The following PRKCB variants were observed in gnomAD, a reference collection of about 807,000 sequenced individuals.
PRKCB encodes the protein protein kinase C beta.
In PRKCB, 13 loss-of-function variants were observed where a neutral mutation model predicts 81.5. The ratio of observed to expected loss-of-function variants is 0.16; its 90% CI spans 0.10 to 0.25. The LOEUF is 0.25. Among genes scored for constraint, PRKCB ranks in the 10% least tolerant of loss-of-function variants. The pLI is 1.00. For missense variants in PRKCB, 509 were observed against 875.7 expected (o/e 0.58, Z 5.29); for synonymous variants, 335 against 321.4 (o/e 1.04, Z -0.45).
At position 24,219,321 on chromosome 16, in the gene PRKCB, T is replaced by TA; in HGVS notation, c.*4506dup. 1.0e-6 allele frequency: 1 copy of TA among 955,492 alleles called. No homozygotes were observed. Among genetic ancestry groups the TA allele is most frequent in the Non-Finnish European group, 1.2e-6 (1 of 820,442 alleles). 59.2% of individuals were successfully genotyped at this position (955,492 alleles called of 1,614,324 possible). A position where few individuals can be genotyped will look rare whatever the true frequency, so the allele number is the denominator to read the frequency against. ...CCTTTAAGCTTTGGGTTTTCTCTCTTATAGTTTGTTGACACATGCTAAAAA... is the reference window on the plus strand; with the variant it reads ...CCTTTAAGCTTTGGGTTTTCTCTCTTAATAGTTTGTTGACACATGCTAAAAA... On this transcript the variant is annotated 3_prime_UTR_variant, in exon 17 of 17. Transcript: ENST00000643927.
intron 16 of PRKCB, among the ~76,000 whole-genome samples, chr16:24,213,394 C>G (rs1968176376): frequency 6.6e-6 from 1 of 152,124 alleles, no homozygotes; most frequent in African/African-American, 2.4e-5. Context: ...CCTGGTTCAT[C>G]TTGCTCTGCT....
At chr16:23,988,691 C>T in intron 3 of PRKCB, 101 bp downstream of exon 3, 1 of 1,107,340 alleles carries the variant, frequency 9.0e-7, no homozygotes, top group Non-Finnish European at 1.3e-6. Flanking sequence ...TGGACGATCT[C>T]ACTCTAAGGC....
intron 13 of PRKCB, among the ~76,000 whole-genome samples, chr16:24,182,873 T>TTGTGTGTGTGTGTGTGTGTGTG (rs10524225): frequency 0.094 from 12,521 of 133,268 alleles, 847 homozygotes; most frequent in African/African-American, 0.15. Flanking sequence ...ACATTGTTTC[T>TTGTGTGTGTGTGTGTGTGTGTG]TGTGTGTGTG....
At chr16:23,898,067 A>T (rs1597234402) in intron 2 of PRKCB, among the ~76,000 whole-genome samples, 2 of 134,496 alleles carry the variant, frequency 1.5e-5, no homozygotes, top group Non-Finnish European at 1.6e-5. Context: ...TGCCCGGCTA[A>T]TTTTTTTTTT....
At chr16:24,209,793 A>G (rs1198278343) in intron 16 of PRKCB, among the ~76,000 whole-genome samples, 1 of 151,630 alleles carries the variant, frequency 6.6e-6, no homozygotes, top group East Asian at 1.9e-4. Flanking sequence ...TGTACACCAC[A>G]CCAGTGATCC....
rs373744156 is a variant in PRKCB, at chr16:24,049,424, C to A, written c.529+13877C>A. Among the ~76,000 whole-genome samples, 12 of 110,168 alleles carry A rather than the reference C, an allele frequency of 1.1e-4. 2 individuals carry two copies. The highest frequency in any genetic ancestry group is 8.8e-4 in the South Asian group (3 of 3,418). The allele number at this position is 110,168 out of a possible 152,430, so 72.3% of individuals were successfully genotyped here. A position where few individuals can be genotyped will look rare whatever the true frequency, so the allele number is the denominator to read the frequency against. ...ACCCTGGCACATCCAGGACCTGCAA[C>A]CTTAACCACTAACCTGGCACATCCA... On this transcript the variant is annotated intron_variant, in intron 5 of 16. Transcript: ENST00000643927.
intron 10 of PRKCB, among the ~76,000 whole-genome samples, chr16:24,169,762 C>CTATTTT (rs1967411644): frequency 2.6e-5 from 4 of 151,962 alleles, no homozygotes; most frequent in Non-Finnish European, 5.9e-5. Flanking sequence ...TTTTAGCCTT[C>CTATTTT]TATTTTTATT....
intron 2 of PRKCB, among the ~76,000 whole-genome samples, chr16:23,955,763 A>AGT (rs1964341441): frequency 6.6e-6 from 1 of 152,160 alleles, no homozygotes; most frequent in African/African-American, 2.4e-5. Flanking sequence ...ACTGCCCATG[A>AGT]GTGACCAGGG....
At position 24,130,672 on chromosome 16, in the gene PRKCB, T is replaced by C. The variant is rs571642321; in HGVS notation, c.1065+6691T>C. On this transcript the variant is annotated intron_variant, in intron 9 of 16. Transcript: ENST00000643927. The stretch of plus-strand genomic sequence containing the variant: ...CACACCCACTCTCTCCATATGGTGA[T>C]TGGGGACAAGGTGTCTTTCGTCCTG... Among the ~76,000 whole-genome samples the C allele has an allele frequency of 3.9e-4, 60 of 152,256 alleles. 1 individual carries two copies. Among genetic ancestry groups the C allele is most frequent in the South Asian group, 3.5e-3 (17 of 4,816 alleles).
chr16:24,112,231 T>A (rs563302366), intron 7 of PRKCB, among the ~76,000 whole-genome samples: 14 of 152,312 alleles, frequency 9.2e-5, no homozygotes, highest in Admixed American at 4.6e-4. Context: ...AAGGTAGAAA[T>A]GCTGGAAGAG....
At chr16:24,137,295 C>T (rs1336094578) in intron 9 of PRKCB, among the ~76,000 whole-genome samples, 1 of 152,032 alleles carries the variant, frequency 6.6e-6, no homozygotes, top group Non-Finnish European at 1.5e-5. Flanking sequence ...CTCAAGCGAT[C>T]CTCCTGCCTC....
chr16:24,194,338 A>G (rs1455293297), intron 16 of PRKCB, among the ~76,000 whole-genome samples: 1 of 151,966 alleles, frequency 6.6e-6, no homozygotes, highest in Non-Finnish European at 1.5e-5. Context: ...AAACAAACAA[A>G]CAAACAAAAA....
intron 2 of PRKCB, among the ~76,000 whole-genome samples, chr16:23,865,827 G>C (rs1962779152): frequency 6.6e-6 from 1 of 151,724 alleles, no homozygotes; most frequent in Non-Finnish European, 1.5e-5. Context: ...TGAAGGTTCT[G>C]GGAGAGTAGG....
At chr16:23,862,722 G>A (rs1474019101) in intron 2 of PRKCB, among the ~76,000 whole-genome samples, 1 of 152,154 alleles carries the variant, frequency 6.6e-6, no homozygotes, top group Non-Finnish European at 1.5e-5. Context: ...AACGCCCAGA[G>A]AGGTGAAGTC....
chr16:24,210,378 G>A (rs1596600873), intron 16 of PRKCB, among the ~76,000 whole-genome samples: 1 of 152,012 alleles, frequency 6.6e-6, no homozygotes, highest in South Asian at 2.1e-4. Context: ...CCTCTGCCTA[G>A]CATGCCTTTC....
intron 2 of PRKCB, among the ~76,000 whole-genome samples, chr16:23,881,834 T>A (rs934526976): frequency 6.6e-6 from 1 of 151,540 alleles, no homozygotes; most frequent in African/African-American, 2.4e-5. Flanking sequence ...CATTTCTTCC[T>A]CCCCACCGAG....
At position 24,213,724 on chromosome 16, in the gene PRKCB, CA is replaced by C. The variant is rs999464274; in HGVS notation, c.1864-931del. Among the ~76,000 whole-genome samples, 106 of 152,314 alleles carry C rather than the reference CA, an allele frequency of 7.0e-4. 2 individuals are homozygous for C. The highest frequency in any genetic ancestry group is 2.5e-3 in the African/African-American group (104 of 41,564). On this transcript the variant is annotated intron_variant, in intron 16 of 16. Transcript: ENST00000643927. Reference sequence around the variant, plus strand: ...TTTGCTGGCAAAGAACAAGGAACCCCAAATTAGCGGTTTGCCCCTTCTCATT... The same window carrying C: ...TTTGCTGGCAAAGAACAAGGAACCCCAATTAGCGGTTTGCCCCTTCTCATT...
chr16:24,094,966 A>G (rs991699373), intron 7 of PRKCB, among the ~76,000 whole-genome samples: 1 of 151,948 alleles, frequency 6.6e-6, no homozygotes, highest in Non-Finnish European at 1.5e-5. Context: ...GGAGGGAGGG[A>G]ATTAGTTCTA....
intron 2 of PRKCB, among the ~76,000 whole-genome samples, chr16:23,908,025 C>T (rs1026409081): frequency 2.0e-5 from 3 of 151,972 alleles, no homozygotes; most frequent in Admixed American, 6.6e-5. Flanking sequence ...CGTGTCTATT[C>T]GGAGATTTGG....
Sources: allele counts gnomAD v4.1 joint callset (sites outside exome capture counted in the v4.1 genomes callset), GRCh38; gene constraint gnomAD v4.1.1; transcripts MANE v1.5; gene names NCBI Gene and HGNC (gene_info 2026-07-23, HGNC 2026-07-21).